Variants in GHRL observed in about 807,000 individuals in gnomAD.
The protein encoded by GHRL is ghrelin and obestatin prepropeptide, also known as appetite-regulating hormone.
Under a neutral mutation model 16.9 loss-of-function variants are expected in GHRL, and 24 were observed. The observed-to-expected ratio is 1.42, with a 90% CI of 1.03 to 2.00. The LOEUF (loss-of-function observed/expected upper bound fraction) is 2.00. Among genes scored for constraint, GHRL ranks in the 30% most tolerant of loss-of-function variants. The pLI, the probability that GHRL is intolerant of heterozygous loss-of-function variation, is 0.00. For missense variants in GHRL, 193 were observed against 142.1 expected, an observed-to-expected ratio of 1.36 and a Z score of -1.82; for synonymous variants, 63 against 58.2, an observed-to-expected ratio of 1.08 and a Z score of -0.37.
intron 1 of GHRL, 93 bp from the exon 2 acceptor site, chr3:10,291,544 T>C: frequency 1.2e-6 from 1 of 828,670 alleles, no homozygotes; most frequent in South Asian, 5.5e-5. Flanking sequence ...TTACCCAGAG[T>C]CTTTGAGGGT....
In GHRL at chr3:10,287,078, A is replaced by G. The variant is rs2125196396; in HGVS notation, c.226-266T>C. 10 of 299,896 alleles carry G rather than the reference A, an allele frequency of 3.3e-5. 1 individual carries two copies. Among genetic ancestry groups the G allele is most frequent in the Middle Eastern group, 1.1e-3 (1 of 948 alleles). The allele number at this position is 299,896 out of a possible 1,614,324, so 18.6% of individuals were successfully genotyped here. A position where few individuals can be genotyped will look rare whatever the true frequency, so the allele number is the denominator to read the frequency against. On this transcript the variant is annotated intron_variant, in intron 4 of 5. Transcript: ENST00000335542. ...TAGCCTCTAATGGGATTGCTGATAA[A>G]AGCTGTGGTGCCCCCTAGTGTGAGA...
chr3:10,290,910 T>C lies in GHRL; in HGVS notation c.-224A>G, dbSNP rs1699907984. On this transcript the variant is annotated 5_prime_UTR_variant, in exon 2 of 6. Coordinates refer to ENST00000335542, the MANE Select transcript of GHRL (RefSeq NM_016362.5). Reference sequence around the variant, plus strand: ...AGTGGAGGTCAGATGCCCTGCGGAATTGCTGGGTTGGCGAGGGAAGAAGCA... The same window carrying C: ...AGTGGAGGTCAGATGCCCTGCGGAACTGCTGGGTTGGCGAGGGAAGAAGCA... The C allele has an allele frequency of 1.0e-6, 1 of 985,544 alleles. No individual in the cohort carries two copies. Among genetic ancestry groups the C allele is most frequent in the Non-Finnish European group, 1.2e-6 (1 of 829,996 alleles). The allele number at this position is 985,544 out of a possible 1,614,324, so 61.0% of individuals were successfully genotyped here. A position where few individuals can be genotyped will look rare whatever the true frequency, so the allele number is the denominator to read the frequency against.
intron 5 of GHRL, among the ~76,000 whole-genome samples, chr3:10,286,287 T>C (rs1699054046): frequency 6.6e-6 from 1 of 152,236 alleles, no homozygotes; most frequent in Admixed American, 6.5e-5. Flanking sequence ...CTCTAATATT[T>C]GAAGGAACTG....
chr3:10,285,738 G>T lies in GHRL; in HGVS notation c.*137C>A. 2 of 619,838 alleles carry T rather than the reference G, an allele frequency of 3.2e-6. No individual in the cohort carries two copies. Among genetic ancestry groups the T allele is most frequent in the South Asian group, 4.4e-5 (2 of 45,084 alleles). 38.4% of individuals were successfully genotyped at this position (619,838 alleles called of 1,614,324 possible). On this transcript the variant is annotated 3_prime_UTR_variant, in exon 6 of 6. Coordinates refer to ENST00000335542, the MANE Select transcript of GHRL (RefSeq NM_016362.5). The stretch of plus-strand genomic sequence containing the variant: ...TCCTCTTTGAAATAAATTCCCATTT[G>T]GAACATCAGCATACAGTTTGAACAT...
rs1699667262 is a variant in GHRL, at chr3:10,289,761, C to T, written c.225+1G>A. ...AAGCATAAAACTGCAGAGGTACCGA[C>T]CCGGACTTCCAGTTCATCCTCTGCC... is the stretch of plus-strand genomic sequence containing the variant. On this transcript the variant is annotated splice_donor_variant, in intron 4 of 5. Coordinates refer to ENST00000335542, the MANE Select transcript of GHRL (RefSeq NM_016362.5). LOFTEE classifies it high-confidence loss of function. 1 of 1,577,868 alleles carries T rather than the reference C, an allele frequency of 6.3e-7. No homozygotes were observed. The highest frequency in any genetic ancestry group is 1.3e-5 in the African/African-American group (1 of 74,312).
rs117394235 is a variant in GHRL, at chr3:10,288,611, T to C, written c.225+1151A>G. 4.8e-3 allele frequency among the ~76,000 whole-genome samples: 724 copies of C among 152,340 alleles called. 33 individuals are homozygous for C. In the East Asian group the frequency reaches 0.11, roughly 22 times the overall value. ...GCAGCTCTTTCAGATGAGAATCTAG[T>C]GGATCCCACCGTGTAGAGGAAAGGT... is the stretch of plus-strand genomic sequence containing the variant. On this transcript the variant is annotated intron_variant, in intron 4 of 5. Transcript: ENST00000335542.
At chr3:10,286,321 C>G (rs181435111) in intron 5 of GHRL, among the ~76,000 whole-genome samples, 2 of 152,304 alleles carry the variant, frequency 1.3e-5, no homozygotes. Flanking sequence ...AGAACCTGTT[C>G]TGAGTGCTAT....
At chr3:10,287,033 A>G (rs370466097) in intron 4 of GHRL, 66 of 464,012 alleles carry the variant, frequency 1.4e-4, no homozygotes, top group Non-Finnish European at 2.3e-4. Context: ...CTTACCTTGC[A>G]CTCTCATGCC....
chr3:10,291,176 GAGCCCCGGGAGT>G lies in GHRL; in HGVS notation c.-502_-491del. 1 of 985,664 alleles carries G rather than the reference GAGCCCCGGGAGT, an allele frequency of 1.0e-6. No homozygotes were observed. The highest frequency in any genetic ancestry group is 1.2e-6 in the Non-Finnish European group (1 of 830,088). 61.1% of individuals were successfully genotyped at this position (985,664 alleles called of 1,614,324 possible). A position where few individuals can be genotyped will look rare whatever the true frequency, so the allele number is the denominator to read the frequency against. On this transcript the variant is annotated 5_prime_UTR_variant, in exon 2 of 6. Coordinates refer to ENST00000335542, the MANE Select transcript of GHRL (RefSeq NM_016362.5). ...GTGCTGTTGCTGCTCTGGCCTCTGT[GAGCCCCGGGAGT>G]CCGCAGGGAGCCAGGCTGGTGATTC... is the stretch of plus-strand genomic sequence containing the variant.
rs376414990 is a variant in GHRL, at chr3:10,291,133, C to T, written c.-447G>A. 16 of 985,756 alleles carry T rather than the reference C, an allele frequency of 1.6e-5. No homozygotes were observed. Among genetic ancestry groups the T allele is most frequent in the Middle Eastern group, 5.2e-4 (1 of 1,918 alleles). The allele number at this position is 985,756 out of a possible 1,614,324, so 61.1% of individuals were successfully genotyped here. The stretch of plus-strand genomic sequence containing the variant: ...GAGCTCTGAGACCTCCCCAGTCCAG[C>T]GCCCCGTTGTTTCCCATGTGCTGTT... On this transcript the variant is annotated 5_prime_UTR_variant, in exon 2 of 6. Transcript: ENST00000335542.
Position 10,291,065 on chromosome 3 carries a change from T to A in GHRL, c.-379A>T, listed in dbSNP as rs1699931263. ...TTGTTGCTGTGTGACCTTAGCTTAC[T>A]CGCCCTTTCTCCCTGGGTAAAATGA... On this transcript the variant is annotated 5_prime_UTR_variant, in exon 2 of 6. Coordinates refer to ENST00000335542, the MANE Select transcript of GHRL (RefSeq NM_016362.5). 2 of 985,546 alleles carry A rather than the reference T, an allele frequency of 2.0e-6. No homozygotes were observed. The highest frequency in any genetic ancestry group is 2.4e-6 in the Non-Finnish European group (2 of 830,076). 61.1% of individuals were successfully genotyped at this position (985,546 alleles called of 1,614,324 possible).
At chr3:10,290,580 T>C (rs1273200255) in intron 2 of GHRL, 136 bp downstream of exon 2, 5 of 306,224 alleles carry the variant, frequency 1.6e-5, no homozygotes, top group Middle Eastern at 2.9e-3. Flanking sequence ...AATGAAGCTC[T>C]GTCTTCCAGC....
chr3:10,288,362 C>T (rs1484971562), intron 4 of GHRL: 1 of 152,792 alleles, frequency 6.5e-6, no homozygotes, highest in Non-Finnish European at 1.5e-5. Flanking sequence ...CAACACCCCC[C>T]AGGCGTTTGA....
intron 4 of GHRL, among the ~76,000 whole-genome samples, chr3:10,288,556 C>G (rs1699444538): frequency 6.6e-6 from 1 of 152,224 alleles, no homozygotes; most frequent in Non-Finnish European, 1.5e-5. Context: ...GTCTCACCAG[C>G]AAAATATCCT....
chr3:10,287,774 C>T lies in GHRL; in HGVS notation c.226-962G>A, dbSNP rs1009168541. Among the ~76,000 whole-genome samples, 4 of 152,114 alleles carry T rather than the reference C, an allele frequency of 2.6e-5. No individual in the cohort carries two copies. The South Asian group carries it at 8.3e-4, about 32-fold the overall frequency. On this transcript the variant is annotated intron_variant, in intron 4 of 5. Transcript: ENST00000335542. ...CCTCAGTGCCTCCCTGTGGGGTAGG[C>T]GCTACCACTGTGCCCATTTTACAGG...
intron 2 of GHRL, 111 bp downstream of exon 2, chr3:10,290,605 T>C (rs1036624015): frequency 1.7e-5 from 6 of 357,300 alleles, no homozygotes; most frequent in Non-Finnish European, 2.5e-5. Flanking sequence ...CAGTCCGACA[T>C]CCCCCGTGTT....
chr3:10,289,181 T>G (rs149222505), intron 4 of GHRL, among the ~76,000 whole-genome samples: 6 of 152,298 alleles, frequency 3.9e-5, no homozygotes, highest in African/African-American at 1.4e-4. Context: ...GTAAAATCCT[T>G]TACTCCCTCC....
chr3:10,286,833 G>A, intron 4 of GHRL, 21 bp from the exon 5 acceptor site: 2 of 1,424,900 alleles, frequency 1.4e-6, no homozygotes, highest in Non-Finnish European at 2.0e-6. Context: ...GGGCAGGGAG[G>A]ACCCAGGAGA....
chr3:10,288,880 C>T (rs35680), intron 4 of GHRL, among the ~76,000 whole-genome samples: 92,305 of 152,026 alleles, frequency 0.61, 28,916 homozygotes, highest in East Asian at 0.98. Context: ...GTGTCGCGTC[C>T]CTTCCACACA....
Sources: allele counts gnomAD v4.1 joint callset (sites outside exome capture counted in the v4.1 genomes callset), GRCh38; gene constraint gnomAD v4.1.1; transcripts MANE v1.5; gene names NCBI Gene and HGNC (gene_info 2026-07-23, HGNC 2026-07-21).